The following CNOT11 variants were observed in gnomAD, a reference collection of about 807,000 sequenced individuals.
CNOT11 encodes the protein UPF0760 protein C2orf29.
A neutral mutation model predicts 44.6 loss-of-function variants in CNOT11; 18 were observed. That is an observed-to-expected ratio of 0.40 (90% CI 0.28 to 0.60). CNOT11 has a LOEUF of 0.60. Ranked by LOEUF, CNOT11 falls within the 20% of genes least tolerant of loss-of-function variation. The probability of loss-of-function intolerance (pLI) is 0.38; values close to 1 mark genes in which losing one functional copy is unlikely to be tolerated. For missense variants in CNOT11, 513 were observed against 677.0 expected (o/e 0.76, Z 2.69); for synonymous variants, 291 against 270.9 (o/e 1.07, Z -0.73).
intron 1 of CNOT11, among the ~76,000 whole-genome samples, chr2:101,255,217 TG>T (rs1197760174): frequency 6.6e-6 from 1 of 151,722 alleles, no homozygotes; most frequent in Non-Finnish European, 1.5e-5. Flanking sequence ...GTGAGTGGGC[TG>T]GGCGCGGTGG....
At chr2:101,266,585 TA>T in intron 4 of CNOT11, 91 bp from the exon 5 acceptor site, 1 of 955,042 alleles carries the variant, frequency 1.0e-6, no homozygotes, top group Non-Finnish European at 1.6e-6. Context: ...GCTTTTTGTA[TA>T]AAATGCTTAT....
At position 101,258,813 on chromosome 2, in the gene CNOT11, CAAAAAAA is replaced by C. The variant is rs34756086; in HGVS notation, c.679+869_679+875del. Among the ~76,000 whole-genome samples the C allele has an allele frequency of 6.0e-5, 6 of 99,772 alleles. No homozygotes were observed. In the South Asian group the frequency reaches 1.5e-3, roughly 25 times the overall value. The allele number at this position is 99,772 out of a possible 152,430, so 65.5% of individuals were successfully genotyped here. A position where few individuals can be genotyped will look rare whatever the true frequency, so the allele number is the denominator to read the frequency against. On this transcript the variant is annotated intron_variant, in intron 2 of 6. Transcript: ENST00000289382. ...TGGGTGACAGGGCGAGAGTCTGTCT[CAAAAAAA>C]AAAAAAAAAAGAAAAATCCATCTTT... is the stretch of plus-strand genomic sequence containing the variant.
In CNOT11 at chr2:101,269,953, C is replaced by T. The variant is rs529624022; in HGVS notation, c.*540C>T. 6.6e-6 allele frequency: 1 copy of T among 152,370 alleles called. No individual in the cohort carries two copies. Among genetic ancestry groups the T allele is most frequent in the African/African-American group, 2.4e-5 (1 of 41,550 alleles). The allele number at this position is 152,370 out of a possible 1,614,324, so 9.4% of individuals were successfully genotyped here. The stretch of plus-strand genomic sequence containing the variant: ...ACTCCTGATGAACCAAGGATTTACT[C>T]ATAACTTTCTCCTTGTCATGGAGGC... On this transcript the variant is annotated 3_prime_UTR_variant, in exon 7 of 7. Coordinates refer to ENST00000289382, the MANE Select transcript of CNOT11 (RefSeq NM_017546.5). The surrounding 1 kb of genome is among the most constrained non-coding windows in gnomAD (Gnocchi z 4.8).
chr2:101,266,982 A>T, intron 5 of CNOT11, 103 bp downstream of exon 5: 1 of 781,032 alleles, frequency 1.3e-6, no homozygotes, highest in Non-Finnish European at 2.1e-6. Context: ...TTGGCGTAAG[A>T]TTAACTATTA....
intron 3 of CNOT11, 68 bp from the exon 4 acceptor site, chr2:101,264,776 GT>G (rs1681942374): frequency 2.5e-6 from 3 of 1,216,822 alleles, no homozygotes; most frequent in Non-Finnish European, 3.6e-6. Flanking sequence ...ACTTTATTAA[GT>G]GAAATGTGTG....
At chr2:101,261,011 G>A (rs903722114) in intron 2 of CNOT11, among the ~76,000 whole-genome samples, 3 of 152,038 alleles carry the variant, frequency 2.0e-5, no homozygotes, top group African/African-American at 4.8e-5. Context: ...TTTCCATTGG[G>A]TTGATGGTCT....
intron 2 of CNOT11, among the ~76,000 whole-genome samples, chr2:101,258,846 A>T (rs1421012276): frequency 1.3e-5 from 2 of 151,832 alleles, no homozygotes; most frequent in East Asian, 3.9e-4. Context: ...ATCCATCTTT[A>T]AACCAAAGAA....
chr2:101,259,735 G>A (rs1324259183), intron 2 of CNOT11, among the ~76,000 whole-genome samples: 2 of 152,030 alleles, frequency 1.3e-5, no homozygotes, highest in Non-Finnish European at 2.9e-5. Context: ...AAACTATTGG[G>A]TATTAACAAT....
Position 101,262,525 on chromosome 2 carries a change from T to C in CNOT11, c.680-14T>C. 6.2e-7 allele frequency: 1 copy of C among 1,612,998 alleles called. No individual in the cohort carries two copies. Among genetic ancestry groups the C allele is most frequent in the South Asian group, 1.1e-5 (1 of 91,002 alleles). On this transcript the variant is annotated splice_polypyrimidine_tract_variant and intron_variant, in intron 2 of 6. Transcript: ENST00000289382. ...TCATGATGTCCATAATTTTAAAATG[T>C]CTCCTATTTCCAGAACGCCAATCTG... is the stretch of plus-strand genomic sequence containing the variant.
chr2:101,263,165 C>T (rs956706248), intron 3 of CNOT11, among the ~76,000 whole-genome samples: 3 of 151,598 alleles, frequency 2.0e-5, no homozygotes, highest in Non-Finnish European at 4.4e-5. Flanking sequence ...GAGCCGAGAT[C>T]GAACCACTGC....
intron 1 of CNOT11, among the ~76,000 whole-genome samples, chr2:101,254,708 C>T (rs1681699782): frequency 6.6e-6 from 1 of 151,982 alleles, no homozygotes. Context: ...CCATCCTGGG[C>T]AACATAGTAA....
chr2:101,255,257 A>G (rs1352602206), intron 1 of CNOT11, among the ~76,000 whole-genome samples: 1 of 152,088 alleles, frequency 6.6e-6, no homozygotes. Flanking sequence ...GCACTTTGGG[A>G]GGCCGAGGCG....
intron 2 of CNOT11, among the ~76,000 whole-genome samples, chr2:101,261,844 CTTTTTTT>C (rs3044629): frequency 1.8e-5 from 2 of 111,854 alleles, no homozygotes; most frequent in African/African-American, 6.6e-5. Context: ...TTCTTTCTTT[CTTTTTTT>C]TTTTTTTTTT....
Position 101,269,703 on chromosome 2 carries a change from A to G in CNOT11, c.*290A>G. On this transcript the variant is annotated 3_prime_UTR_variant, in exon 7 of 7. Coordinates refer to ENST00000289382, the MANE Select transcript of CNOT11 (RefSeq NM_017546.5). This position sits in a 1 kb window ranked among gnomAD's most constrained non-coding sequence, Gnocchi z 4.8. ...AGATGAGTTTCTTTTTTTTTTAAGC[A>G]CTAAAGAACAAAATGCATTTTTCAT... is the stretch of plus-strand genomic sequence containing the variant. The G allele has an allele frequency of 7.5e-6, 2 of 268,184 alleles. No individual in the cohort carries two copies. The highest frequency in any genetic ancestry group is 7.1e-5 in the East Asian group (1 of 14,008). The allele number at this position is 268,184 out of a possible 1,614,324, so 16.6% of individuals were successfully genotyped here.
At chr2:101,265,094 T>C (rs768941720) in intron 4 of CNOT11, 47 bp downstream of exon 4, 3 of 1,334,000 alleles carry the variant, frequency 2.2e-6, no homozygotes, top group African/African-American at 3.0e-5. Flanking sequence ...TTTAAATTTA[T>C]TTTTAATTAA....
chr2:101,270,276 A>C lies in CNOT11; in HGVS notation c.*863A>C, dbSNP rs1253063058. 2.0e-5 allele frequency: 3 copies of C among 152,438 alleles called. No homozygotes were observed. Among genetic ancestry groups the C allele is most frequent in the Non-Finnish European group, 2.9e-5 (2 of 68,004 alleles). 9.4% of individuals were successfully genotyped at this position (152,438 alleles called of 1,614,324 possible). A position where few individuals can be genotyped will look rare whatever the true frequency, so the allele number is the denominator to read the frequency against. ...GCTCTTACCCTTTATGTGATTTTGG[A>C]CAACAGTGCCTTCCATTAAAGTTCT... On this transcript the variant is annotated 3_prime_UTR_variant, in exon 7 of 7. Coordinates refer to ENST00000289382, the MANE Select transcript of CNOT11 (RefSeq NM_017546.5).
In CNOT11 at chr2:101,253,112, GGGAGCGGAGGCCC is replaced by G; in HGVS notation, c.151_163del (p.Ser51GlyfsTer7). ...AGGCGGAGCAAGCGGCCCCGGGTCC[GGGAGCGGAGGCCC>G]GGGGGGCCCCGCGGGCAGGATGAGC... On this transcript the variant is annotated frameshift_variant, in exon 1 of 7. Coordinates refer to ENST00000289382, the MANE Select transcript of CNOT11 (RefSeq NM_017546.5). LOFTEE classifies it high-confidence loss of function. The surrounding 1 kb of genome is among the most constrained non-coding windows in gnomAD (Gnocchi z 4.3). 1 of 1,524,362 alleles carries G rather than the reference GGGAGCGGAGGCCC, an allele frequency of 6.6e-7. No individual in the cohort carries two copies. The highest frequency in any genetic ancestry group is 2.1e-5 in the Admixed American group (1 of 47,416). The allele number at this position is 1,524,362 out of a possible 1,614,324, so 94.4% of individuals were successfully genotyped here. A position where few individuals can be genotyped will look rare whatever the true frequency, so the allele number is the denominator to read the frequency against.
At position 101,264,971 on chromosome 2, in the gene CNOT11, A is replaced by G. The variant is rs1452860835; in HGVS notation, c.959A>G (p.Asn320Ser). The G allele has an allele frequency of 1.2e-6, 2 of 1,614,228 alleles. No individual in the cohort carries two copies. Among genetic ancestry groups the G allele is most frequent in the South Asian group, 1.1e-5 (1 of 91,088 alleles). ...IQWDKSMCVK[N>S]STGVEIKRIM... ...TGGGATAAATCGATGTGTGTTAAGAATAGCACTGGTGTGGAGATCAAACGA... is the reference window on the plus strand; with the variant it reads ...TGGGATAAATCGATGTGTGTTAAGAGTAGCACTGGTGTGGAGATCAAACGA... The change falls in exon 4 of 7, where the codon AAT (asparagine) becomes AGT (serine). Residue 320 changes from asparagine (N) to serine (S), a missense_variant. Around this residue, in one of 4 missense-constraint regions of CNOT11, gnomAD observed 140 missense variants for 169.8 expected, o/e 0.82. Transcript: ENST00000289382.
At chr2:101,264,373 T>C (rs936817294) in intron 3 of CNOT11, among the ~76,000 whole-genome samples, 63 of 152,340 alleles carry the variant, frequency 4.1e-4, no homozygotes, top group African/African-American at 1.5e-3. Flanking sequence ...TCCTGCTGCT[T>C]CATCGCCACG....
Sources: gnomAD v4.1 joint callset for allele counts (sites outside exome capture counted in the v4.1 genomes callset) on GRCh38, gnomAD v4.1.1 for gene constraint, gnomAD v4.1.1 regional missense constraint, Gnocchi (gnomAD v3.1) non-coding constraint, MANE v1.5 for transcripts, NCBI Gene and HGNC (gene_info 2026-07-23, HGNC 2026-07-21) for gene names.